The following CNKSR2 variants were observed in gnomAD, a reference collection of about 807,000 sequenced individuals.
The protein encoded by CNKSR2 is connector enhancer of kinase suppressor of Ras 2, also known as CNK homolog protein 2.
CNKSR2 carries 14 observed loss-of-function variants against 84.4 expected under a neutral mutation model. The observed-to-expected ratio is 0.17, with a 90% confidence interval of 0.11 to 0.26. The LOEUF (loss-of-function observed/expected upper bound fraction) is 0.26. Ranked by LOEUF, CNKSR2 falls within the 10% of genes least tolerant of loss-of-function variation. The pLI is 1.00. For missense variants in CNKSR2, 485 were observed against 771.2 expected, an observed-to-expected ratio of 0.63 and a Z score of 4.40; for synonymous variants, 275 against 277.9, an observed-to-expected ratio of 0.99 and a Z score of 0.10.
intron 1 of CNKSR2, among the ~76,000 whole-genome samples, chrX:21,405,770 G>T (rs2090254518): frequency 9.0e-6 from 1 of 111,109 alleles, no homozygotes; most frequent in Admixed American, 9.6e-5. Context: ...TGTTCTAAAT[G>T]TGCTCTGCAT....
intron 1 of CNKSR2, among the ~76,000 whole-genome samples, chrX:21,395,219 T>C (rs1438729640): frequency 8.9e-6 from 1 of 111,970 alleles, no homozygotes; most frequent in African/African-American, 3.2e-5. Flanking sequence ...GTACATCTTG[T>C]GTAAATGATG....
chrX:21,415,660 T>G (rs2090407368), intron 1 of CNKSR2, among the ~76,000 whole-genome samples: 1 of 89,163 alleles, frequency 1.1e-5, no homozygotes, highest in African/African-American at 4.1e-5. Flanking sequence ...GGGGGAGGGA[T>G]AGCATTAGGA....
intron 9 of CNKSR2, among the ~76,000 whole-genome samples, chrX:21,522,085 C>G: frequency 9.0e-6 from 1 of 110,945 alleles, no homozygotes; most frequent in Non-Finnish European, 1.9e-5. Flanking sequence ...ATTCAGGATA[C>G]ATTTTCTCTG....
intron 20 of CNKSR2, among the ~76,000 whole-genome samples, chrX:21,613,821 T>TCCCAGC (rs1325807600): frequency 9.2e-6 from 1 of 109,223 alleles, no homozygotes; most frequent in Non-Finnish European, 1.9e-5. Context: ...ATACCTGTAA[T>TCCCAGC]CCCAGCTACT....
chrX:21,602,120 GT>G (rs199901615), intron 18 of CNKSR2, among the ~76,000 whole-genome samples: 4 of 109,632 alleles, frequency 3.6e-5, no homozygotes, highest in South Asian at 3.9e-4. Context: ...GCCAGGTTTT[GT>G]TTTTTTTGTT....
intron 11 of CNKSR2, among the ~76,000 whole-genome samples, chrX:21,559,668 T>G (rs112821698): frequency 0.051 from 5,642 of 110,983 alleles, 150 homozygotes; most frequent in African/African-American, 0.084. Flanking sequence ...TTAACTGTAT[T>G]GTCGCCATGT....
intron 4 of CNKSR2, among the ~76,000 whole-genome samples, chrX:21,451,363 A>C (rs2090925989): frequency 9.0e-6 from 1 of 111,205 alleles, no homozygotes; most frequent in South Asian, 3.8e-4. Flanking sequence ...TATCCAAAGG[A>C]CTATAAATCA....
At chrX:21,625,815 C>T (rs1477834123) in intron 20 of CNKSR2, among the ~76,000 whole-genome samples, 2 of 111,877 alleles carry the variant, frequency 1.8e-5, no homozygotes, top group Non-Finnish European at 3.8e-5. Flanking sequence ...AATTGAAAAC[C>T]TAGTGAGGTA....
At chrX:21,407,031 G>A (rs1395547997) in intron 1 of CNKSR2, among the ~76,000 whole-genome samples, 2 of 111,532 alleles carry the variant, frequency 1.8e-5, no homozygotes, top group Non-Finnish European at 3.8e-5. Flanking sequence ...AACAGTTGGT[G>A]ATTTGGTGGC....
chrX:21,525,710 A>C (rs1049427946), intron 9 of CNKSR2, among the ~76,000 whole-genome samples: 3 of 111,305 alleles, frequency 2.7e-5, no homozygotes, highest in African/African-American at 9.7e-5. Flanking sequence ...GTATTGTCAC[A>C]ATACAAAATA....
chrX:21,484,135 C>T (rs1202523372), intron 5 of CNKSR2, among the ~76,000 whole-genome samples: 1 of 110,798 alleles, frequency 9.0e-6, no homozygotes, highest in Non-Finnish European at 1.9e-5. Context: ...ACTAAAAATA[C>T]AAAAAATTAG....
intron 5 of CNKSR2, among the ~76,000 whole-genome samples, chrX:21,482,301 A>G (rs898311410): frequency 8.9e-6 from 1 of 111,990 alleles, no homozygotes; most frequent in Non-Finnish European, 1.9e-5. Context: ...AGGCAACAAC[A>G]TGTCATTGTG....
chrX:21,612,989 C>T (rs1367740293), intron 20 of CNKSR2, among the ~76,000 whole-genome samples: 2 of 112,144 alleles, frequency 1.8e-5, no homozygotes, highest in East Asian at 2.8e-4. Context: ...GTCTTGTTTT[C>T]CTTTGACTGA....
intron 7 of CNKSR2, among the ~76,000 whole-genome samples, chrX:21,499,344 G>T (rs950700738): frequency 9.0e-6 from 1 of 111,532 alleles, no homozygotes; most frequent in Non-Finnish European, 1.9e-5. Flanking sequence ...GCATGTGGGG[G>T]TTCATCTTTA....
intron 13 of CNKSR2, among the ~76,000 whole-genome samples, chrX:21,578,452 T>C (rs775640451): frequency 9.1e-6 from 1 of 110,394 alleles, no homozygotes; most frequent in Non-Finnish European, 1.9e-5. Flanking sequence ...TATATAGCTA[T>C]ATAGGTCAGC....
intron 13 of CNKSR2, among the ~76,000 whole-genome samples, chrX:21,563,772 A>G (rs1331381701): frequency 3.6e-5 from 4 of 111,909 alleles, no homozygotes. Flanking sequence ...AAAATTCAAC[A>G]TTAAAGATAT....
chrX:21,387,351 G>A (rs147755250), intron 1 of CNKSR2, among the ~76,000 whole-genome samples: 164 of 110,954 alleles, frequency 1.5e-3, no homozygotes, highest in Non-Finnish European at 2.6e-3. Context: ...GCATGGTGGG[G>A]CACGCCTTTA....
Position 21,651,455 on chromosome X carries a change from C to T in CNKSR2, c.2890-851C>T, listed in dbSNP as rs148936638. ...AACATCCTCAGTCCCAGCCCTCTTCCATATTCTGGTCTGTGAGGCCAGACC... is the reference window on the plus strand; with the variant it reads ...AACATCCTCAGTCCCAGCCCTCTTCTATATTCTGGTCTGTGAGGCCAGACC... On this transcript the variant is annotated intron_variant, in intron 21 of 21. Coordinates refer to ENST00000379510, the MANE Select transcript of CNKSR2 (RefSeq NM_014927.5). Among the ~76,000 whole-genome samples the T allele has an allele frequency of 1.9e-3, 207 of 111,673 alleles. 2 individuals carry two copies. The highest frequency in any genetic ancestry group is 6.1e-3 in the African/African-American group (186 of 30,704).
intron 1 of CNKSR2, among the ~76,000 whole-genome samples, chrX:21,410,042 G>GTC (rs1309584265): frequency 1.8e-5 from 2 of 108,960 alleles, no homozygotes; most frequent in African/African-American, 6.7e-5. Flanking sequence ...CTGTGTGTGT[G>GTC]TGTGTGTGTG....
Sources: gnomAD v4.1 joint callset for allele counts (sites outside exome capture counted in the v4.1 genomes callset) on GRCh38, gnomAD v4.1.1 for gene constraint, MANE v1.5 for transcripts, NCBI Gene and HGNC (gene_info 2026-07-23, HGNC 2026-07-21) for gene names.